XPO6: variants seen among roughly 807,000 people sequenced by gnomAD.
The protein encoded by XPO6 is exportin-6.
XPO6 carries 3 observed loss-of-function variants against 130.0 expected under a neutral mutation model. The observed-to-expected ratio is 0.02, with a 90% CI of 0.01 to 0.06. The LOEUF (loss-of-function observed/expected upper bound fraction) is 0.06. Ranked by LOEUF, XPO6 falls within the 10% of genes least tolerant of loss-of-function variation. The pLI, the probability that XPO6 is intolerant of heterozygous loss-of-function variation, is 1.00. For missense variants in XPO6, 970 were observed against 1,393.0 expected (o/e 0.70, Z 4.83); for synonymous variants, 524 against 548.9 (o/e 0.95, Z 0.63).
intron 1 of XPO6, among the ~76,000 whole-genome samples, chr16:28,209,849 A>G (rs918666428): frequency 2.6e-5 from 4 of 152,034 alleles, no homozygotes; most frequent in Non-Finnish European, 5.9e-5. Context: ...GTTAAAATAC[A>G]TAGACTCAGC....
rs375817097 is a variant in XPO6 at position 28,106,167 on chromosome 16, C to T, written c.2660G>A (p.Arg887Gln). ...SILHEGSTGC[R>Q]VVEKFLKILQ... is the part of the protein sequence containing the mutation. ...GATCTTCAGAAACTTCTCCACCACC[C>T]GGCAGCCTGTGCTGCCCTCGTGGAG... Residue 887 changes from arginine (R) to glutamine (Q), a missense_variant, in exon 20 of 24, where the codon CGG becomes CAG. Transcript: ENST00000304658. The surrounding 1 kb of genome is among the most constrained non-coding windows in gnomAD (Gnocchi z 4.2). 1.3e-5 allele frequency: 21 copies of T among 1,614,050 alleles called. No individual in the cohort carries two copies. The highest frequency in any genetic ancestry group is 6.7e-5 in the African/African-American group (5 of 74,932).
chr16:28,139,652 A>G (rs182651829), intron 9 of XPO6, among the ~76,000 whole-genome samples: 1 of 152,226 alleles, frequency 6.6e-6, no homozygotes, highest in Non-Finnish European at 1.5e-5. Context: ...TCTAATCTAT[A>G]TGGTGGTAAG....
rs541057267 is a variant in XPO6, at chr16:28,104,781, G to GC, written c.2785-75dup. ...GGCCTGGGCCCAGGGCAGCAAAGATGCCTAGGAGACGCCTCGTGACAGCAA... is the reference window on the plus strand; with the variant it reads ...GGCCTGGGCCCAGGGCAGCAAAGATGCCCTAGGAGACGCCTCGTGACAGCAA... On this transcript the variant is annotated intron_variant, in intron 20 of 23. Coordinates refer to ENST00000304658, the MANE Select transcript of XPO6 (RefSeq NM_015171.4). The GC allele has an allele frequency of 7.1e-4, 1,110 of 1,557,006 alleles. 5 individuals are homozygous for GC. In the East Asian group the frequency reaches 0.01, roughly 15 times the overall value.
At chr16:28,104,947 C>T (rs2086740731) in intron 20 of XPO6, among the ~76,000 whole-genome samples, 1 of 152,258 alleles carries the variant, frequency 6.6e-6, no homozygotes, top group African/African-American at 2.4e-5. Context: ...TCAGGAGAGA[C>T]ATGGCCCACA....
intron 9 of XPO6, among the ~76,000 whole-genome samples, chr16:28,138,111 T>C (rs1276897892): frequency 6.6e-6 from 1 of 152,028 alleles, no homozygotes; most frequent in Non-Finnish European, 1.5e-5. Context: ...AAGGCACTAA[T>C]AAAATCTGCA....
intron 13 of XPO6, among the ~76,000 whole-genome samples, chr16:28,124,974 G>C (rs771376341): frequency 6.6e-6 from 1 of 152,180 alleles, no homozygotes; most frequent in African/African-American, 2.4e-5. Flanking sequence ...CAGCTGCCTT[G>C]AAATGATCTA....
At position 28,176,520 on chromosome 16, in the gene XPO6, C is replaced by G. The variant is rs57967404; in HGVS notation, c.208-425G>C. Among the ~76,000 whole-genome samples, 205 of 149,558 alleles carry G rather than the reference C, an allele frequency of 1.4e-3. 6 individuals are homozygous for G. The East Asian group carries it at 0.032, about 23-fold the overall frequency. On this transcript the variant is annotated intron_variant, in intron 3 of 23. Transcript: ENST00000304658. ...TTAGATTTTTTTTTTTTTTTTGAGA[C>G]GGAGTCTCGCTCTGTCGCCCAGGCT...
chr16:28,147,983 A>AG (rs1482178383), intron 8 of XPO6, among the ~76,000 whole-genome samples: 2 of 152,162 alleles, frequency 1.3e-5, no homozygotes, highest in African/African-American at 4.8e-5. Context: ...GTCCTTGGAC[A>AG]GGCCACTAGA....
Position 28,101,102 on chromosome 16 carries a change from G to A in XPO6, c.3276+356C>T, listed in dbSNP as rs1462081254. ...CCATCTCAGCCTGAATGCAAGCCTG[G>A]GCACACTCCAATGCTGGCCCCACCG... is the stretch of plus-strand genomic sequence containing the variant. On this transcript the variant is annotated intron_variant, in intron 23 of 23. Transcript: ENST00000304658. This position sits in a 1 kb window ranked among gnomAD's most constrained non-coding sequence, Gnocchi z 5.4. 2.7e-6 allele frequency: 1 copy of A among 369,816 alleles called. No homozygotes were observed. Among genetic ancestry groups the A allele is most frequent in the Non-Finnish European group, 5.2e-6 (1 of 191,832 alleles). The allele number at this position is 369,816 out of a possible 1,614,324, so 22.9% of individuals were successfully genotyped here.
At chr16:28,191,085 G>A (rs956005028) in intron 1 of XPO6, among the ~76,000 whole-genome samples, 1 of 152,132 alleles carries the variant, frequency 6.6e-6, no homozygotes. Flanking sequence ...AGCTAGCTAG[G>A]CATATGGGAA....
intron 6 of XPO6, among the ~76,000 whole-genome samples, chr16:28,159,731 G>A (rs963388713): frequency 7.2e-5 from 11 of 152,308 alleles, no homozygotes; most frequent in Admixed American, 2.0e-4. Context: ...ATTAAACATG[G>A]TGGCGGGGGG....
chr16:28,197,876 G>A (rs980407086), intron 1 of XPO6, among the ~76,000 whole-genome samples: 12 of 124,146 alleles, frequency 9.7e-5, no homozygotes, highest in African/African-American at 3.0e-4. Context: ...CCAAGATCAC[G>A]CCACCGCACT....
Position 28,175,604 on chromosome 16 carries a change from C to T in XPO6, c.405+294G>A, listed in dbSNP as rs528257597. Among the ~76,000 whole-genome samples the T allele has an allele frequency of 3.9e-5, 6 of 152,164 alleles. No individual in the cohort carries two copies. The South Asian group carries it at 1.2e-3, about 32-fold the overall frequency. ...CACTAAACGCCGAAACTACTGAAAG[C>T]CTCACCCTTGTACCCCCAACACCTA... On this transcript the variant is annotated intron_variant, in intron 4 of 23. Coordinates refer to ENST00000304658, the MANE Select transcript of XPO6 (RefSeq NM_015171.4).
intron 5 of XPO6, chr16:28,167,398 C>G: frequency 1.0e-6 from 1 of 985,132 alleles, no homozygotes; most frequent in Non-Finnish European, 1.2e-6. Flanking sequence ...CTGACCCAGG[C>G]TTCAGCTCAC....
intron 1 of XPO6, among the ~76,000 whole-genome samples, chr16:28,183,146 G>C (rs1436637243): frequency 6.6e-6 from 1 of 152,122 alleles, no homozygotes; most frequent in Non-Finnish European, 1.5e-5. Context: ...GATTCTTGAG[G>C]AAGAGATCTG....
intron 6 of XPO6, among the ~76,000 whole-genome samples, chr16:28,164,446 GA>G (rs2043325157): frequency 6.6e-6 from 1 of 152,108 alleles, no homozygotes; most frequent in Non-Finnish European, 1.5e-5. Flanking sequence ...TAAAAAGAAA[GA>G]AAAATACTGT....
At position 28,101,184 on chromosome 16, in the gene XPO6, A is replaced by G; in HGVS notation, c.3276+274T>C. ...GTCCTGGGTATGAACAAAGATGCCAAGACAAATGGAGGGGCTGCAGAGCCA... is the reference window on the plus strand; with the variant it reads ...GTCCTGGGTATGAACAAAGATGCCAGGACAAATGGAGGGGCTGCAGAGCCA... On this transcript the variant is annotated intron_variant, in intron 23 of 23. Transcript: ENST00000304658. This position sits in a 1 kb window ranked among gnomAD's most constrained non-coding sequence, Gnocchi z 5.4. The G allele has an allele frequency of 5.7e-6, 3 of 527,118 alleles. No individual in the cohort carries two copies. The South Asian group carries it at 6.0e-5, about 10-fold the overall frequency. The allele number at this position is 527,118 out of a possible 1,614,324, so 32.7% of individuals were successfully genotyped here.
intron 1 of XPO6, among the ~76,000 whole-genome samples, chr16:28,209,768 A>G (rs1256214557): frequency 6.6e-6 from 1 of 152,122 alleles, no homozygotes; most frequent in Non-Finnish European, 1.5e-5. Flanking sequence ...CTATCCCCAA[A>G]TTTCATAGTT....
At chr16:28,174,391 T>C (rs1415047780) in intron 4 of XPO6, among the ~76,000 whole-genome samples, 6 of 152,182 alleles carry the variant, frequency 3.9e-5, no homozygotes, top group Non-Finnish European at 8.8e-5. Context: ...TGAGTTCTCA[T>C]CATACTTATA....
Sources: allele counts gnomAD v4.1 joint callset (sites outside exome capture counted in the v4.1 genomes callset), GRCh38; gene constraint gnomAD v4.1.1; non-coding constraint Gnocchi (gnomAD v3.1); transcripts MANE v1.5; gene names NCBI Gene and HGNC (gene_info 2026-07-23, HGNC 2026-07-21).